Variants in ARK2N observed in about 807,000 individuals in gnomAD.
The protein encoded by ARK2N is protein ARK2N.
the ARK2N span, among the ~76,000 whole-genome samples, chr18:46,182,140 T>C: frequency 4.4e-4 from 67 of 152,346 alleles, no homozygotes; most frequent in African/African-American, 1.6e-3. Context: ...TTTCTTTCTG[T>C]ATTAAGAACA....
the ARK2N span, chr18:46,215,928 C>G: frequency 2.5e-6 from 4 of 1,613,826 alleles, no homozygotes; most frequent in African/African-American, 1.3e-5. Flanking sequence ...TCATTGAGTC[C>G]GAAGCCCCAC....
chr18:46,251,500 A>G, the ARK2N span, among the ~76,000 whole-genome samples: 39 of 152,176 alleles, frequency 2.6e-4, no homozygotes, highest in Non-Finnish European at 3.8e-4. Flanking sequence ...TATAATCTCA[A>G]TCACTGGTTT....
At chr18:46,219,385 A>G in the ARK2N span, 1 of 152,134 alleles carries the variant, frequency 6.6e-6, no homozygotes, top group Admixed American at 6.5e-5. Context: ...GGCATTTTAT[A>G]GTAAATTTAT....
chr18:46,222,192 A>G, the ARK2N span, among the ~76,000 whole-genome samples: 1 of 152,214 alleles, frequency 6.6e-6, no homozygotes. Flanking sequence ...CTGAGTAGCC[A>G]GGGCTCAGAA....
the ARK2N span, among the ~76,000 whole-genome samples, chr18:46,213,962 G>C: frequency 2.6e-5 from 4 of 152,164 alleles, no homozygotes; most frequent in Non-Finnish European, 5.9e-5. Context: ...CTCCTAAAGT[G>C]CTGGGATAAC....
chr18:46,188,913 CA>C, the ARK2N span, among the ~76,000 whole-genome samples: 2 of 149,562 alleles, frequency 1.3e-5, no homozygotes, highest in Non-Finnish European at 1.5e-5. Flanking sequence ...ATCTGGGCTT[CA>C]AAAAAAAATC....
At chr18:46,233,763 A>G in the ARK2N span, among the ~76,000 whole-genome samples, 12 of 152,184 alleles carry the variant, frequency 7.9e-5, no homozygotes, top group African/African-American at 1.9e-4. Context: ...TCTTATTTTC[A>G]TCTTGGAAAC....
chr18:46,181,239 C>T, the ARK2N span, among the ~76,000 whole-genome samples: 1 of 151,846 alleles, frequency 6.6e-6, no homozygotes, highest in African/African-American at 2.4e-5. Flanking sequence ...CAGCTCTGGG[C>T]AACAGAGCAA....
the ARK2N span, chr18:46,263,244 A>G: frequency 1.0e-6 from 1 of 964,536 alleles, no homozygotes; most frequent in Non-Finnish European, 1.5e-6. Context: ...ATTCAAACTC[A>G]TGGAAAATTC....
the ARK2N span, among the ~76,000 whole-genome samples, chr18:46,204,094 T>C: frequency 2.1e-3 from 320 of 151,982 alleles, no homozygotes; most frequent in African/African-American, 7.3e-3. Context: ...TATAGACTTA[T>C]TTTTATGTTC....
chr18:46,246,060 T>C, the ARK2N span, among the ~76,000 whole-genome samples: 1 of 152,218 alleles, frequency 6.6e-6, no homozygotes, highest in Non-Finnish European at 1.5e-5. Context: ...ATTTTCAGTT[T>C]AATATATGGT....
the ARK2N span, among the ~76,000 whole-genome samples, chr18:46,202,118 A>G: frequency 7.2e-5 from 11 of 152,194 alleles, no homozygotes; most frequent in South Asian, 2.1e-3. Context: ...CTAAAGCTTA[A>G]TCTTCTGTTC....
At chr18:46,206,579 C>A in the ARK2N span, among the ~76,000 whole-genome samples, 89 of 152,228 alleles carry the variant, frequency 5.8e-4, no homozygotes, top group East Asian at 7.9e-3. Context: ...TTTAAATAAT[C>A]ATTTCATCTC....
At chr18:46,247,634 G>A in the ARK2N span, among the ~76,000 whole-genome samples, 2 of 152,210 alleles carry the variant, frequency 1.3e-5, no homozygotes, top group East Asian at 3.8e-4. Flanking sequence ...TCTGCCACAA[G>A]TGGCTTTTAG....
chr18:46,239,648 C>T, the ARK2N span, among the ~76,000 whole-genome samples: 3 of 151,844 alleles, frequency 2.0e-5, no homozygotes, highest in Non-Finnish European at 4.4e-5. Context: ...TAATTTGCAT[C>T]AGTTTTTTCC....
the ARK2N span, among the ~76,000 whole-genome samples, chr18:46,255,389 T>TCAG: frequency 6.6e-6 from 1 of 151,676 alleles, no homozygotes; most frequent in Non-Finnish European, 1.5e-5. Context: ...TACGGCTGCT[T>TCAG]CAGTTTTTCT....
At chr18:46,250,728 C>T in the ARK2N span, among the ~76,000 whole-genome samples, 1 of 152,128 alleles carries the variant, frequency 6.6e-6, no homozygotes, top group South Asian at 2.1e-4. Flanking sequence ...CAGTGGCTTC[C>T]TACTTCTCAA....
At chr18:46,199,911 C>CCT in the ARK2N span, among the ~76,000 whole-genome samples, 1 of 152,080 alleles carries the variant, frequency 6.6e-6, no homozygotes, top group South Asian at 2.1e-4. Flanking sequence ...TTCAGTTTGT[C>CCT]CTGTGGACTT....
chr18:46,223,215 T>C, the ARK2N span, among the ~76,000 whole-genome samples: 1 of 152,382 alleles, frequency 6.6e-6, no homozygotes, highest in African/African-American at 2.4e-5. Context: ...AGTTAAACTT[T>C]AGATTTCATT....
Sources: allele counts gnomAD v4.1 joint callset (sites outside exome capture counted in the v4.1 genomes callset), GRCh38; gene constraint gnomAD v4.1.1; transcripts MANE v1.5; gene names NCBI Gene and HGNC (gene_info 2026-07-23, HGNC 2026-07-21).